The following CD109 variants were observed in gnomAD, a reference collection of about 807,000 sequenced individuals.
The protein encoded by CD109 is CD109 antigen.
In CD109, 149 loss-of-function variants were observed where a neutral mutation model predicts 165.8. The ratio of observed to expected loss-of-function variants is 0.90; its 90% CI spans 0.79 to 1.03. CD109 has a LOEUF of 1.03. CD109 is among the 50% of genes least tolerant of loss of function. The pLI, the probability that CD109 is intolerant of heterozygous loss-of-function variation, is 0.00. For missense variants in CD109, 1,712 were observed against 1,677.8 expected, an observed-to-expected ratio of 1.02 and a Z score of -0.36; for synonymous variants, 585 against 592.1, an observed-to-expected ratio of 0.99 and a Z score of 0.18.
At chr6:73,712,717 C>T (rs2150157600) in intron 2 of CD109, among the ~76,000 whole-genome samples, 1 of 152,300 alleles carries the variant, frequency 6.6e-6, no homozygotes, top group South Asian at 2.1e-4. Flanking sequence ...TCAGGCTGTG[C>T]CAAATGCGAA....
In CD109 at chr6:73,792,628, G is replaced by C. The variant is rs373168712; in HGVS notation, c.2704G>C (p.Asp902His). The C allele has an allele frequency of 1.4e-5, 22 of 1,612,332 alleles. No homozygotes were observed. Among genetic ancestry groups the C allele is most frequent in the Non-Finnish European group, 1.9e-5 (22 of 1,179,832 alleles). The change falls in exon 23 of 33, where the codon GAT (aspartate) becomes CAT (histidine). Residue 902 changes from aspartate to histidine, a missense_variant and splice_region_variant. Coordinates refer to ENST00000287097, the MANE Select transcript of CD109 (RefSeq NM_133493.5). ...SERVQITAIG[D>H]VLGPSINGLA... ...AACTGCATGTCTTGTGCTTCCAGGA[G>C]ATGTTCTTGGTCCTTCCATCAATGG...
intron 3 of CD109, among the ~76,000 whole-genome samples, chr6:73,726,709 A>G (rs969949973): frequency 6.6e-6 from 1 of 152,230 alleles, no homozygotes; most frequent in Non-Finnish European, 1.5e-5. Context: ...GAGAGCTATC[A>G]TCTCCTCAGA....
intron 2 of CD109, among the ~76,000 whole-genome samples, chr6:73,717,546 T>TG (rs1433050158): frequency 6.6e-6 from 1 of 151,636 alleles, no homozygotes; most frequent in Non-Finnish European, 1.5e-5. Context: ...CTATTGTAAA[T>TG]GGGATTACTT....
chr6:73,716,383 T>C (rs1223243494), intron 2 of CD109, among the ~76,000 whole-genome samples: 1 of 152,222 alleles, frequency 6.6e-6, no homozygotes, highest in East Asian at 1.9e-4. Context: ...TGTGCTAATT[T>C]TCATTTCCAT....
intron 15 of CD109, among the ~76,000 whole-genome samples, chr6:73,776,558 T>C (rs1210561553): frequency 1.5e-5 from 2 of 132,184 alleles, no homozygotes; most frequent in Non-Finnish European, 3.1e-5. Flanking sequence ...GTGGCCTTTT[T>C]TTTTTTTTTT....
intron 6 of CD109, among the ~76,000 whole-genome samples, chr6:73,757,295 T>C (rs1216523593): frequency 2.0e-5 from 3 of 152,210 alleles, no homozygotes; most frequent in Admixed American, 6.5e-5. Flanking sequence ...GAAATTATAA[T>C]ATACAGGTAG....
chr6:73,787,989 A>G (rs140019136), intron 21 of CD109, among the ~76,000 whole-genome samples: 17 of 152,142 alleles, frequency 1.1e-4, no homozygotes, highest in African/African-American at 3.6e-4. Context: ...TTTTCCTTAC[A>G]TTTTCATCTT....
chr6:73,809,907 A>G (rs1473714150), intron 26 of CD109, 77 bp from the exon 27 acceptor site: 2 of 1,111,314 alleles, frequency 1.8e-6, no homozygotes, highest in African/African-American at 3.2e-5. Context: ...AACTTGGACC[A>G]GAGTAGGAAT....
chr6:73,712,609 G>T (rs911630234), intron 2 of CD109, among the ~76,000 whole-genome samples: 1 of 152,162 alleles, frequency 6.6e-6, no homozygotes, highest in South Asian at 2.1e-4. Context: ...GTATTACAGA[G>T]TATGTTTAAA....
intron 23 of CD109, among the ~76,000 whole-genome samples, chr6:73,797,523 C>G (rs1775205093): frequency 6.6e-6 from 1 of 152,176 alleles, no homozygotes; most frequent in Non-Finnish European, 1.5e-5. Flanking sequence ...CTTTCCATTT[C>G]ATGTCATAGA....
At chr6:73,768,706 G>A (rs918504865) in intron 14 of CD109, among the ~76,000 whole-genome samples, 11 of 152,176 alleles carry the variant, frequency 7.2e-5, no homozygotes, top group African/African-American at 2.4e-4. Flanking sequence ...TGATTACCCT[G>A]CATGTGAGGA....
chr6:73,751,135 T>G (rs1773174136), intron 5 of CD109, among the ~76,000 whole-genome samples: 1 of 152,216 alleles, frequency 6.6e-6, no homozygotes, highest in African/African-American at 2.4e-5. Flanking sequence ...TCTCATCTGA[T>G]GTATAAGGAT....
At position 73,809,979 on chromosome 6, in the gene CD109, T is replaced by G. The variant is rs78756734; in HGVS notation, c.3356-5T>G. Reference sequence around the variant, plus strand: ...GATCAGAATGTTATTACTTTTCTCTTGCAGGTGGCATGCAATTCTGGGTGT... The same window carrying G: ...GATCAGAATGTTATTACTTTTCTCTGGCAGGTGGCATGCAATTCTGGGTGT... On this transcript the variant is annotated splice_polypyrimidine_tract_variant and splice_region_variant and intron_variant, in intron 26 of 32. Coordinates refer to ENST00000287097, the MANE Select transcript of CD109 (RefSeq NM_133493.5). 4.3e-3 allele frequency: 6,850 copies of G among 1,583,706 alleles called. 280 individuals are homozygous for G. In the African/African-American group the frequency reaches 0.082, roughly 19 times the overall value.
intron 2 of CD109, among the ~76,000 whole-genome samples, chr6:73,702,369 G>A (rs1376707812): frequency 1.3e-5 from 2 of 152,142 alleles, no homozygotes; most frequent in South Asian, 2.1e-4. Context: ...TCCTGAACAT[G>A]CATTTCATGC....
At chr6:73,726,690 T>C (rs1363716038) in intron 3 of CD109, among the ~76,000 whole-genome samples, 1 of 152,220 alleles carries the variant, frequency 6.6e-6, no homozygotes, top group East Asian at 1.9e-4. Flanking sequence ...ACCTTATGTA[T>C]CCTAGGCAGA....
chr6:73,759,012 G>A lies in CD109; in HGVS notation c.742G>A (p.Gly248Ser), dbSNP rs755441690. ...YCSMNSKHLNGTITAKYTYGK... is the reference protein window; with the variant it reads ...YCSMNSKHLNSTITAKYTYGK... ...TTCTATGAATTCTAAGCATTTAAAT[G>A]GTACCATCACGGCAAAGTAAGTGTC... The change falls in exon 7 of 33, where the codon GGT becomes AGT. Residue 248 changes from glycine (G) to serine (S), a missense_variant. Coordinates refer to ENST00000287097, the MANE Select transcript of CD109 (RefSeq NM_133493.5). 3 of 1,601,004 alleles carry A rather than the reference G, an allele frequency of 1.9e-6. No homozygotes were observed. The East Asian group carries it at 6.7e-5, about 36-fold the overall frequency.
At chr6:73,740,251 A>G (rs1243131547) in intron 5 of CD109, among the ~76,000 whole-genome samples, 2 of 152,208 alleles carry the variant, frequency 1.3e-5, no homozygotes, top group East Asian at 3.8e-4. Context: ...CCACTGATGG[A>G]CAATCTCTTT....
intron 24 of CD109, among the ~76,000 whole-genome samples, chr6:73,805,077 T>G (rs1482780254): frequency 5.3e-5 from 8 of 152,250 alleles, no homozygotes; most frequent in Non-Finnish European, 7.3e-5. Flanking sequence ...TCAACCATTG[T>G]GGAAGACAGT....
intron 32 of CD109, among the ~76,000 whole-genome samples, chr6:73,820,999 A>G (rs1050153746): frequency 1.3e-5 from 2 of 152,162 alleles, no homozygotes; most frequent in African/African-American, 4.8e-5. Flanking sequence ...GGATGAGTTC[A>G]TGTCCTTTGT....
Sources: gnomAD v4.1 joint callset for allele counts (sites outside exome capture counted in the v4.1 genomes callset) on GRCh38, gnomAD v4.1.1 for gene constraint, MANE v1.5 for transcripts, NCBI Gene and HGNC (gene_info 2026-07-23, HGNC 2026-07-21) for gene names.